The following SORCS1 variants were observed in gnomAD, a reference collection of about 807,000 sequenced individuals.
SORCS1 encodes VPS10 domain-containing receptor SorCS1.
Under a neutral mutation model 146.1 loss-of-function variants are expected in SORCS1, and 60 were observed. The observed-to-expected ratio is 0.41, with a 90% CI of 0.33 to 0.51. The LOEUF is 0.51. Ranked by LOEUF, SORCS1 falls within the 20% of genes least tolerant of loss-of-function variation. The pLI is 0.21. For missense variants in SORCS1, 1,352 were observed against 1,487.6 expected, an observed-to-expected ratio of 0.91 and a Z score of 1.50; for synonymous variants, 637 against 584.0, an observed-to-expected ratio of 1.09 and a Z score of -1.31.
intron 2 of SORCS1, among the ~76,000 whole-genome samples, chr10:106,928,673 C>CA (rs1953216057): frequency 6.6e-6 from 1 of 152,184 alleles, no homozygotes. Flanking sequence ...CCCACAGAAG[C>CA]AAAGCCACAT....
intron 2 of SORCS1, among the ~76,000 whole-genome samples, chr10:106,927,118 T>C (rs1953085543): frequency 1.3e-5 from 2 of 152,206 alleles, no homozygotes; most frequent in African/African-American, 2.4e-5. Flanking sequence ...GAGCCTCTAA[T>C]GTAATACTGT....
chr10:106,579,066 C>A, intron 25 of SORCS1: 1 of 1,612,180 alleles, frequency 6.2e-7, no homozygotes, highest in East Asian at 2.2e-5. Flanking sequence ...AGCCGAACAG[C>A]TGGTGGCTAC....
intron 3 of SORCS1, among the ~76,000 whole-genome samples, chr10:106,813,441 G>A (rs554752437): frequency 4.6e-5 from 7 of 152,122 alleles, no homozygotes; most frequent in African/African-American, 7.2e-5. Context: ...CCTGACAGGC[G>A]CATTTCTGAA....
intron 1 of SORCS1, among the ~76,000 whole-genome samples, chr10:107,031,484 A>C (rs1332399341): frequency 2.0e-5 from 3 of 149,626 alleles, no homozygotes; most frequent in African/African-American, 7.7e-5. Flanking sequence ...TTGAATGACT[A>C]TTTCCATTCT....
intron 1 of SORCS1, among the ~76,000 whole-genome samples, chr10:107,004,494 C>T (rs1957358463): frequency 6.6e-6 from 1 of 152,070 alleles, no homozygotes; most frequent in Admixed American, 6.6e-5. Flanking sequence ...GGGGAACTCC[C>T]ATTTATAAAA....
At chr10:107,150,669 C>T (rs1273246609) in intron 1 of SORCS1, among the ~76,000 whole-genome samples, 2 of 152,200 alleles carry the variant, frequency 1.3e-5, no homozygotes, top group African/African-American at 2.4e-5. Flanking sequence ...ATAATCCCCA[C>T]GTGCCATGGG....
At chr10:107,174,938 T>G in the SORCS1 span, among the ~76,000 whole-genome samples, 67 of 152,314 alleles carry the variant, frequency 4.4e-4, 1 homozygote, top group South Asian at 0.014. Context: ...TTTATTATAT[T>G]AATTTTTTAA....
In SORCS1 at chr10:106,864,126, G is replaced by C. The variant is rs1950138566; in HGVS notation, c.627-34453C>G. Among the ~76,000 whole-genome samples the C allele has an allele frequency of 2.0e-5, 3 of 152,180 alleles. No homozygotes were observed. In the South Asian group the frequency reaches 6.2e-4, roughly 31 times the overall value. Reference sequence around the variant, plus strand: ...AAAAAAATCTAAAGTTGGCTCACTAGAAACAGGTAGTGTGCTTGGCTGTCA... The same window carrying C: ...AAAAAAATCTAAAGTTGGCTCACTACAAACAGGTAGTGTGCTTGGCTGTCA... On this transcript the variant is annotated intron_variant, in intron 2 of 25. Transcript: ENST00000263054.
intron 2 of SORCS1, among the ~76,000 whole-genome samples, chr10:106,943,430 G>C (rs1292583614): frequency 6.6e-6 from 1 of 151,976 alleles, no homozygotes; most frequent in African/African-American, 2.4e-5. Flanking sequence ...CCTTCTGCCT[G>C]GACTCCAAGG....
intron 1 of SORCS1, among the ~76,000 whole-genome samples, chr10:107,035,248 G>C (rs1958845280): frequency 1.5e-5 from 2 of 131,434 alleles, no homozygotes; most frequent in Non-Finnish European, 3.1e-5. Context: ...AGAGCATTTG[G>C]TCCAGTGAAG....
rs142880332 is a variant in SORCS1, at chr10:106,952,225, A to G, written c.626+4288T>C. Among the ~76,000 whole-genome samples, 568 of 152,230 alleles carry G rather than the reference A, an allele frequency of 3.7e-3. 3 individuals carry two copies. Among genetic ancestry groups the G allele is most frequent in the Non-Finnish European group, 6.4e-3 (438 of 68,004 alleles). The stretch of plus-strand genomic sequence containing the variant: ...CCGGTTAAAGCCTTCTTCCTTGGCA[A>G]TAATAGTTGTCTCAGTGATTGGCTT... On this transcript the variant is annotated intron_variant, in intron 2 of 25. Transcript: ENST00000263054.
intron 1 of SORCS1, among the ~76,000 whole-genome samples, chr10:106,976,781 A>T (rs1180421333): frequency 6.6e-6 from 1 of 152,104 alleles, no homozygotes; most frequent in Non-Finnish European, 1.5e-5. Context: ...CTTATGAGTG[A>T]GAACATGTGG....
At chr10:107,109,978 C>A (rs1406686538) in intron 1 of SORCS1, among the ~76,000 whole-genome samples, 1 of 152,180 alleles carries the variant, frequency 6.6e-6, no homozygotes, top group Non-Finnish European at 1.5e-5. Flanking sequence ...ACATAGATCA[C>A]AATACAGCCA....
At chr10:106,791,925 C>T (rs940584091) in intron 3 of SORCS1, among the ~76,000 whole-genome samples, 1 of 152,094 alleles carries the variant, frequency 6.6e-6, no homozygotes, top group Non-Finnish European at 1.5e-5. Flanking sequence ...CTTTTTCCCT[C>T]CCTTTTATCC....
At chr10:106,882,654 C>T (rs936910171) in intron 2 of SORCS1, among the ~76,000 whole-genome samples, 2 of 152,086 alleles carry the variant, frequency 1.3e-5, no homozygotes, top group Non-Finnish European at 2.9e-5. Flanking sequence ...AGATTACACA[C>T]GCACACTCAC....
At chr10:106,832,355 A>T (rs1430721850) in intron 2 of SORCS1, among the ~76,000 whole-genome samples, 5 of 151,636 alleles carry the variant, frequency 3.3e-5, no homozygotes, top group Non-Finnish European at 7.4e-5. Flanking sequence ...CATCCAGCTA[A>T]TTTTTGTATT....
chr10:106,639,098 C>T (rs1174221387), intron 18 of SORCS1, among the ~76,000 whole-genome samples: 1 of 152,204 alleles, frequency 6.6e-6, no homozygotes, highest in Non-Finnish European at 1.5e-5. Flanking sequence ...TACCACTGCA[C>T]ATTAATGGTA....
At chr10:106,906,657 C>G (rs553577480) in intron 2 of SORCS1, among the ~76,000 whole-genome samples, 2 of 152,144 alleles carry the variant, frequency 1.3e-5, no homozygotes, top group East Asian at 1.9e-4. Flanking sequence ...TTCCACAACA[C>G]GTGGGAATTC....
Position 106,652,445 on chromosome 10 carries a change from C to A in SORCS1, c.2412G>T (p.Thr804=), listed in dbSNP as rs375256122. 2 of 1,614,096 alleles carry A rather than the reference C, an allele frequency of 1.2e-6. No homozygotes were observed. Among genetic ancestry groups the A allele is most frequent in the South Asian group, 2.2e-5 (2 of 91,084 alleles). The stretch of plus-strand genomic sequence containing the variant: ...GTTCCGCTGTCAGCTTTCCATCAGC[C>A]GTGACTATCCGCAGCCCCCGCGGGG... ...GKAPRGLRIV[T]ADGKLTAEQG... Residue 804 remains threonine, a synonymous_variant, in exon 18 of 26, where the codon ACG becomes ACT. Coordinates refer to ENST00000263054, the MANE Select transcript of SORCS1 (RefSeq NM_052918.5).
Sources: allele counts gnomAD v4.1 joint callset (sites outside exome capture counted in the v4.1 genomes callset), GRCh38; gene constraint gnomAD v4.1.1; transcripts MANE v1.5; gene names NCBI Gene and HGNC (gene_info 2026-07-23, HGNC 2026-07-21).